The following TMPRSS11E variants were observed in gnomAD, a reference collection of about 807,000 sequenced individuals.
TMPRSS11E encodes transmembrane serine protease 11E, also known as transmembrane protease serine 11E.
In TMPRSS11E, 38 loss-of-function variants were observed where a neutral mutation model predicts 48.1. That is an observed-to-expected ratio of 0.79 (90% CI 0.61 to 1.04). TMPRSS11E has a LOEUF of 1.04. Ranked by LOEUF, TMPRSS11E falls within the 50% of genes least tolerant of loss-of-function variation. The probability of loss-of-function intolerance (pLI) is 0.00; values close to 1 mark genes in which losing one functional copy is unlikely to be tolerated. For synonymous variants in TMPRSS11E, 158 were observed against 171.9 expected (o/e 0.92, Z 0.63); for missense variants, 530 against 510.8 (o/e 1.04, Z -0.36).
intron 2 of TMPRSS11E, among the ~76,000 whole-genome samples, chr4:68,464,934 T>C (rs148824659): frequency 1.7e-3 from 265 of 152,302 alleles, no homozygotes; most frequent in African/African-American, 6.1e-3. Context: ...GCAGTTCACT[T>C]TCACATTAAA....
chr4:68,483,396 A>T (rs1729464755), intron 9 of TMPRSS11E, among the ~76,000 whole-genome samples: 1 of 152,238 alleles, frequency 6.6e-6, no homozygotes, highest in South Asian at 2.1e-4. Context: ...AGCAATGGAG[A>T]TTAAACTTCA....
chr4:68,493,726 G>T (rs1198144566), intron 9 of TMPRSS11E, among the ~76,000 whole-genome samples: 3 of 152,118 alleles, frequency 2.0e-5, no homozygotes, highest in Non-Finnish European at 4.4e-5. Flanking sequence ...GACCTCAGGA[G>T]ATCTACCTGC....
At position 68,479,658 on chromosome 4, in the gene TMPRSS11E, T is replaced by C. The variant is rs1260858956; in HGVS notation, c.1110+667T>C. Among the ~76,000 whole-genome samples the C allele has an allele frequency of 1.3e-5, 2 of 150,666 alleles. 1 individual carries two copies. The highest frequency in any genetic ancestry group is 4.8e-5 in the African/African-American group (2 of 41,292). ...TATAAACATTAAATATTAATAAATA[T>C]AAATATTAAATATTTGCTTTATATT... On this transcript the variant is annotated intron_variant, in intron 9 of 9. Transcript: ENST00000305363.
intron 1 of TMPRSS11E, among the ~76,000 whole-genome samples, chr4:68,457,879 C>T (rs1290829349): frequency 6.6e-6 from 1 of 151,650 alleles, no homozygotes; most frequent in African/African-American, 2.4e-5. Context: ...GGGAGTTAAA[C>T]AATGAGAATA....
At chr4:68,471,349 C>T (rs530158223) in intron 4 of TMPRSS11E, 111 bp from the exon 5 acceptor site, 101 of 636,184 alleles carry the variant, frequency 1.6e-4, no homozygotes, top group Middle Eastern at 1.0e-3. Flanking sequence ...TTCTTTCTTT[C>T]CTCCCTCCCT....
At chr4:68,486,060 A>T (rs1450023869) in intron 9 of TMPRSS11E, among the ~76,000 whole-genome samples, 1 of 151,970 alleles carries the variant, frequency 6.6e-6, no homozygotes, top group African/African-American at 2.4e-5. Flanking sequence ...CTAGCAGTGT[A>T]TCAATCTTAT....
chr4:68,455,146 TGTA>T (rs1728594584), intron 1 of TMPRSS11E, among the ~76,000 whole-genome samples: 1 of 151,956 alleles, frequency 6.6e-6, no homozygotes, highest in African/African-American at 2.4e-5. Flanking sequence ...TCAAATAACT[TGTA>T]GTCTCTTAGT....
rs1729162493 is a variant in TMPRSS11E at position 68,474,727 on chromosome 4, C to G, written c.495C>G (p.Ile165Met). The G allele has an allele frequency of 6.2e-7, 1 of 1,606,276 alleles. No homozygotes were observed. The highest frequency in any genetic ancestry group is 8.5e-7 in the Non-Finnish European group (1 of 1,177,264). ...VDPHSVKIKK[I>M]NKTETDSYLN... The stretch of plus-strand genomic sequence containing the variant: ...TGCCATTTCTGTGTGTTTCAGAAAT[C>G]AACAAGACAGAAACAGACAGCTATC... Residue 165 changes from isoleucine to methionine, a missense_variant, in exon 6 of 10, where the codon ATC becomes ATG. Transcript: ENST00000305363.
intron 4 of TMPRSS11E, among the ~76,000 whole-genome samples, chr4:68,469,697 G>A (rs961328027): frequency 6.6e-6 from 1 of 151,798 alleles, no homozygotes; most frequent in Non-Finnish European, 1.5e-5. Flanking sequence ...TTCTCAAAGG[G>A]ACCTCATTCA....
Position 68,471,588 on chromosome 4 carries a change from CCCCTAAAGTAGAT to C in TMPRSS11E, c.458_470del (p.Pro153LeufsTer18). 1 of 1,602,696 alleles carries C rather than the reference CCCCTAAAGTAGAT, an allele frequency of 6.2e-7. No individual in the cohort carries two copies. Among genetic ancestry groups the C allele is most frequent in the Non-Finnish European group, 8.5e-7 (1 of 1,176,030 alleles). On this transcript the variant is annotated frameshift_variant, in exon 5 of 10. Transcript: ENST00000305363. LOFTEE classifies it high-confidence loss of function. ...GAAAAGCTGCAAGATGCTGTAGGAC[CCCCTAAAGTAGAT>C]CCTCACTCAGTTAAAATTAAAAGTA...
intron 4 of TMPRSS11E, 75 bp downstream of exon 4, chr4:68,469,021 C>A: frequency 1.7e-6 from 2 of 1,160,776 alleles, no homozygotes; most frequent in South Asian, 1.3e-5. Context: ...AATATGTTTT[C>A]AAGTGTTAAA....
Position 68,477,353 on chromosome 4 carries a change from AT to A in TMPRSS11E, c.708-9del, listed in dbSNP as rs763054730. The A allele has an allele frequency of 2.0e-5, 32 of 1,583,690 alleles. No individual in the cohort carries two copies. Among genetic ancestry groups the A allele is most frequent in the Non-Finnish European group, 2.6e-5 (30 of 1,169,782 alleles). On this transcript the variant is annotated splice_polypyrimidine_tract_variant and intron_variant, in intron 7 of 9. Coordinates refer to ENST00000305363, the MANE Select transcript of TMPRSS11E (RefSeq NM_014058.4). ...CATGGTAAAAAGAAATTTATTCTTC[AT>A]TTTTTTCTCCCCAGATATAAGAACC...
chr4:68,465,843 A>G (rs1728913385), intron 2 of TMPRSS11E, among the ~76,000 whole-genome samples: 2 of 152,172 alleles, frequency 1.3e-5, no homozygotes, highest in African/African-American at 4.8e-5. Flanking sequence ...TATTTGTTGA[A>G]TGAATACATT....
intron 1 of TMPRSS11E, among the ~76,000 whole-genome samples, chr4:68,454,392 T>C (rs1728572213): frequency 6.6e-6 from 1 of 151,986 alleles, no homozygotes; most frequent in South Asian, 2.1e-4. Context: ...TATTCTAATA[T>C]GAACCTGAGC....
intron 9 of TMPRSS11E, among the ~76,000 whole-genome samples, chr4:68,492,762 A>G: frequency 6.6e-6 from 1 of 152,178 alleles, no homozygotes; most frequent in Non-Finnish European, 1.5e-5. Context: ...CCAACCCTGT[A>G]TTTCTCCTAA....
chr4:68,460,691 T>A (rs1428695384), intron 1 of TMPRSS11E, among the ~76,000 whole-genome samples: 1 of 152,202 alleles, frequency 6.6e-6, no homozygotes, highest in African/African-American at 2.4e-5. Flanking sequence ...TTCAAACTCC[T>A]TAGTCATCTC....
intron 9 of TMPRSS11E, 36 bp from the exon 10 acceptor site, chr4:68,496,607 G>T: frequency 6.3e-7 from 1 of 1,589,084 alleles, no homozygotes; most frequent in African/African-American, 1.4e-5. Context: ...GTAATGAACT[G>T]AATTATGAAT....
At chr4:68,493,396 A>G (rs1269111739) in intron 9 of TMPRSS11E, among the ~76,000 whole-genome samples, 2 of 152,208 alleles carry the variant, frequency 1.3e-5, no homozygotes, top group Non-Finnish European at 2.9e-5. Context: ...TTTGTGAGCT[A>G]CAGAAGAGAA....
At chr4:68,460,618 AAG>A (rs1204461898) in intron 1 of TMPRSS11E, among the ~76,000 whole-genome samples, 17 of 152,312 alleles carry the variant, frequency 1.1e-4, no homozygotes, top group African/African-American at 4.1e-4. Context: ...CTCTAGAAAA[AAG>A]AAAAAAGCAT....
Sources: allele counts gnomAD v4.1 joint callset (sites outside exome capture counted in the v4.1 genomes callset), GRCh38; gene constraint gnomAD v4.1.1; transcripts MANE v1.5; gene names NCBI Gene and HGNC (gene_info 2026-07-23, HGNC 2026-07-21).